The following LDLRAD4 variants were observed in gnomAD, a reference collection of about 807,000 sequenced individuals.
The protein encoded by LDLRAD4 is low density lipoprotein receptor class A domain containing 4.
In LDLRAD4, 5 loss-of-function variants were observed where a neutral mutation model predicts 17.0. The ratio of observed to expected loss-of-function variants is 0.29; its 90% CI spans 0.15 to 0.62. The LOEUF (loss-of-function observed/expected upper bound fraction) is 0.62. Ranked by LOEUF, LDLRAD4 falls within the 20% of genes least tolerant of loss-of-function variation. The probability of loss-of-function intolerance (pLI) is 0.84; values close to 1 mark genes in which losing one functional copy is unlikely to be tolerated. For missense variants in LDLRAD4, 340 were observed against 424.7 expected (o/e 0.80, Z 1.75); for synonymous variants, 168 against 171.8 (o/e 0.98, Z 0.17).
intron 3 of LDLRAD4, chr18:13,562,018 G>C (rs77827816): frequency 2.0e-5 from 3 of 152,224 alleles, no homozygotes; most frequent in South Asian, 2.1e-4. Context: ...TTGACCACCT[G>C]GTGTTGGAGG....
At chr18:13,467,560 A>G (rs1054414995) in intron 3 of LDLRAD4, among the ~76,000 whole-genome samples, 1 of 152,262 alleles carries the variant, frequency 6.6e-6, no homozygotes. Context: ...TAGCTAACAC[A>G]TAAATACTAC....
intron 4 of LDLRAD4, 48 bp from the exon 6 acceptor site, chr18:13,643,311 T>C: frequency 8.0e-7 from 1 of 1,247,414 alleles, no homozygotes; most frequent in Non-Finnish European, 1.1e-6. Flanking sequence ...CTAATGATTT[T>C]CCTCTGTTTC....
At chr18:13,431,971 C>G (rs2090364810) in intron 2 of LDLRAD4, among the ~76,000 whole-genome samples, 1 of 152,214 alleles carries the variant, frequency 6.6e-6, no homozygotes, top group Non-Finnish European at 1.5e-5. Flanking sequence ...AGGCCGGTGC[C>G]TTTACGCCGA....
At chr18:13,358,667 C>T (rs996848678) in intron 1 of LDLRAD4, among the ~76,000 whole-genome samples, 2 of 152,106 alleles carry the variant, frequency 1.3e-5, no homozygotes, top group South Asian at 2.1e-4. Context: ...CTAATTCTAC[C>T]GTCACCAATT....
chr18:13,397,748 C>A (rs542230384), intron 2 of LDLRAD4, among the ~76,000 whole-genome samples: 23 of 152,248 alleles, frequency 1.5e-4, no homozygotes, highest in African/African-American at 5.1e-4. Flanking sequence ...GGTGCTACCA[C>A]GGCGCAGCAC....
intron 3 of LDLRAD4, among the ~76,000 whole-genome samples, chr18:13,492,471 C>T (rs905684915): frequency 5.9e-5 from 9 of 152,204 alleles, no homozygotes; most frequent in East Asian, 5.8e-4. Flanking sequence ...TGCTCCTGTG[C>T]GTTCACTCTT....
chr18:13,379,036 GT>G (rs146524610), intron 1 of LDLRAD4, among the ~76,000 whole-genome samples: 6,447 of 152,226 alleles, frequency 0.042, 228 homozygotes, highest in African/African-American at 0.092. Context: ...TTTTGTTTGT[GT>G]TTTCTCATTA....
At chr18:13,649,749 G>T in exon 6 of LDLRAD4, 1 of 313,698 alleles carries the variant, frequency 3.2e-6, no homozygotes, top group African/African-American at 2.1e-5. Context: ...GTGTATGAAA[G>T]AAAAAACTGG....
chr18:13,332,991 A>T (rs1039840051), intron 1 of LDLRAD4, among the ~76,000 whole-genome samples: 1 of 152,152 alleles, frequency 6.6e-6, no homozygotes, highest in African/African-American at 2.4e-5. Context: ...AGAATCTGTC[A>T]AACTGTCTTC....
intron 3 of LDLRAD4, among the ~76,000 whole-genome samples, chr18:13,562,187 A>T (rs776966869): frequency 1.3e-5 from 2 of 152,196 alleles, no homozygotes; most frequent in Admixed American, 1.3e-4. Flanking sequence ...AAAGGTGATC[A>T]TCACACCTGC....
At chr18:13,632,674 G>A (rs181841511) in intron 4 of LDLRAD4, among the ~76,000 whole-genome samples, 1 of 152,336 alleles carries the variant, frequency 6.6e-6, no homozygotes, top group East Asian at 1.9e-4. Flanking sequence ...GAGTGGAGGG[G>A]CATGTTTCAG....
chr18:13,475,314 C>T (rs2092909409), intron 3 of LDLRAD4, among the ~76,000 whole-genome samples: 1 of 152,140 alleles, frequency 6.6e-6, no homozygotes, highest in South Asian at 2.1e-4. Flanking sequence ...ATCCCTGGAG[C>T]CCAGGAGCTC....
Position 13,571,860 on chromosome 18 carries a change from T to A in LDLRAD4, c.182-49257T>A, listed in dbSNP as rs1045240969. Among the ~76,000 whole-genome samples, 11 of 152,244 alleles carry A rather than the reference T, an allele frequency of 7.2e-5. No individual in the cohort carries two copies. In the East Asian group the frequency reaches 2.1e-3, roughly 29 times the overall value. On this transcript the variant is annotated intron_variant, in intron 3 of 5. Coordinates refer to ENST00000359446, the Ensembl canonical transcript of LDLRAD4. The stretch of plus-strand genomic sequence containing the variant: ...ACCGTGTTAACCAGGATGGTCTGGA[T>A]CTCCTGACCTCGTGATCCACCCGCC...
At chr18:13,366,728 C>T (rs2084082718) in intron 1 of LDLRAD4, among the ~76,000 whole-genome samples, 1 of 152,190 alleles carries the variant, frequency 6.6e-6, no homozygotes. Context: ...TTAGCTGCTG[C>T]AGTCACATCC....
intron 1 of LDLRAD4, among the ~76,000 whole-genome samples, chr18:13,349,770 C>T (rs1291828728): frequency 6.6e-6 from 1 of 152,088 alleles, no homozygotes; most frequent in Non-Finnish European, 1.5e-5. Context: ...TGTTCTAATG[C>T]TCTCCTTCGT....
At chr18:13,635,582 C>G (rs1265147255) in intron 4 of LDLRAD4, among the ~76,000 whole-genome samples, 1 of 152,114 alleles carries the variant, frequency 6.6e-6, no homozygotes, top group Non-Finnish European at 1.5e-5. Context: ...TGGTGTCAAG[C>G]AGATTGAATT....
chr18:13,301,107 G>A (rs2046572363), intron 1 of LDLRAD4, among the ~76,000 whole-genome samples: 1 of 152,210 alleles, frequency 6.6e-6, no homozygotes, highest in African/African-American at 2.4e-5. Flanking sequence ...GGTGTTGGGA[G>A]TGGGAAGCAT....
chr18:13,567,801 A>C (rs2094627023), intron 3 of LDLRAD4, among the ~76,000 whole-genome samples: 1 of 152,170 alleles, frequency 6.6e-6, no homozygotes, highest in Admixed American at 6.5e-5. Flanking sequence ...AGAGTGACAC[A>C]GTGATAATGG....
chr18:13,450,105 G>T (rs995052669), intron 3 of LDLRAD4, among the ~76,000 whole-genome samples: 2 of 152,170 alleles, frequency 1.3e-5, no homozygotes, highest in Non-Finnish European at 2.9e-5. Context: ...AGAGGGGTTG[G>T]CATGAACCCA....
Sources: allele counts gnomAD v4.1 joint callset (sites outside exome capture counted in the v4.1 genomes callset), GRCh38; gene constraint gnomAD v4.1.1; transcripts MANE v1.5; gene names NCBI Gene and HGNC (gene_info 2026-07-23, HGNC 2026-07-21).